The following TBCCD1 variants were observed in gnomAD, a reference collection of about 807,000 sequenced individuals.
TBCCD1 encodes TBCC domain containing 1.
A neutral mutation model predicts 53.4 loss-of-function variants in TBCCD1; 26 were observed. The observed-to-expected ratio is 0.49, with a 90% CI of 0.36 to 0.68. TBCCD1 has a LOEUF of 0.68. Among genes scored for constraint, TBCCD1 ranks in the 30% least tolerant of loss-of-function variants. The pLI is 0.00. For missense variants in TBCCD1, 558 were observed against 669.5 expected (o/e 0.83, Z 1.84); for synonymous variants, 245 against 241.7 (o/e 1.01, Z -0.13).
At chr3:186,561,793 A>G (rs1714697432) in intron 2 of TBCCD1, among the ~76,000 whole-genome samples, 1 of 152,138 alleles carries the variant, frequency 6.6e-6, no homozygotes, top group Non-Finnish European at 1.5e-5. Context: ...CGTCTCAAAA[A>G]AAAAATAAAT....
rs576152217 is a variant in TBCCD1 at position 186,556,319 on chromosome 3, G to A, written c.859+90C>T. Reference sequence around the variant, plus strand: ...GGAGCAGTATTTTTTAGGTCTTCTAGAGAAGACACGAGATCACTAATATAT... The same window carrying A: ...GGAGCAGTATTTTTTAGGTCTTCTAAAGAAGACACGAGATCACTAATATAT... On this transcript the variant is annotated intron_variant, in intron 4 of 7. Coordinates refer to ENST00000338733, the MANE Select transcript of TBCCD1 (RefSeq NM_018138.5). The A allele has an allele frequency of 9.0e-6, 13 of 1,438,314 alleles. No homozygotes were observed. In the East Asian group the frequency reaches 3.0e-4, roughly 34 times the overall value. The allele number at this position is 1,438,314 out of a possible 1,614,324, so 89.1% of individuals were successfully genotyped here. A position where few individuals can be genotyped will look rare whatever the true frequency, so the allele number is the denominator to read the frequency against.
intron 2 of TBCCD1, among the ~76,000 whole-genome samples, chr3:186,560,721 CT>C (rs1372673486): frequency 6.6e-6 from 1 of 152,220 alleles, no homozygotes; most frequent in Admixed American, 6.5e-5. Flanking sequence ...ACCTTCCCAT[CT>C]TCATGGGAAT....
chr3:186,564,501 G>T, intron 1 of TBCCD1, 129 bp from the exon 2 acceptor site: 1 of 586,894 alleles, frequency 1.7e-6, no homozygotes, highest in Non-Finnish European at 2.8e-6. Flanking sequence ...GGCAGCTCTA[G>T]TTCACCAACC....
Position 186,564,130 on chromosome 3 carries a change from A to G in TBCCD1, c.200T>C (p.Leu67Ser). 1 of 1,614,198 alleles carries G rather than the reference A, an allele frequency of 6.2e-7. No homozygotes were observed. The highest frequency in any genetic ancestry group is 8.5e-7 in the Non-Finnish European group (1 of 1,180,044). ...WRHIACGKLQ[L>S]AKDLAWLYFE... ...GTAAAGCCACGCCAGGTCCTTGGCCAACTGCAGCTTCCCACAAGCGATGTG... is the reference window on the plus strand; with the variant it reads ...GTAAAGCCACGCCAGGTCCTTGGCCGACTGCAGCTTCCCACAAGCGATGTG... Residue 67 changes from leucine (L) to serine (S), a missense_variant, in exon 2 of 8, where the codon TTG becomes TCG. By Grantham distance (145) the Leu-to-Ser change is moderately radical. Coordinates refer to ENST00000338733, the MANE Select transcript of TBCCD1 (RefSeq NM_018138.5).
At chr3:186,553,855 T>C (rs1159918232) in intron 6 of TBCCD1, among the ~76,000 whole-genome samples, 2 of 152,224 alleles carry the variant, frequency 1.3e-5, no homozygotes, top group Non-Finnish European at 2.9e-5. Context: ...ACATTACTTT[T>C]TTTTTTTTTG....
chr3:186,559,631 A>G (rs1464584273), intron 2 of TBCCD1, among the ~76,000 whole-genome samples: 1 of 152,238 alleles, frequency 6.6e-6, no homozygotes, highest in Non-Finnish European at 1.5e-5. Flanking sequence ...GAAACTTAAA[A>G]GTACAGATTC....
chr3:186,559,499 G>A (rs936302382), intron 2 of TBCCD1, among the ~76,000 whole-genome samples: 2 of 152,102 alleles, frequency 1.3e-5, no homozygotes, highest in Non-Finnish European at 2.9e-5. Flanking sequence ...ACGACTTGAA[G>A]CCCCTGATTA....
At chr3:186,551,006 G>C (rs576604987) in intron 7 of TBCCD1, 123 bp downstream of exon 7, 5 of 915,482 alleles carry the variant, frequency 5.5e-6, no homozygotes, top group Non-Finnish European at 7.8e-6. Flanking sequence ...ATAAAGGTCC[G>C]TGTATGCTGG....
At chr3:186,563,116 A>C (rs1045036943) in intron 2 of TBCCD1, among the ~76,000 whole-genome samples, 1 of 152,228 alleles carries the variant, frequency 6.6e-6, no homozygotes, top group African/African-American at 2.4e-5. Context: ...AAGTGATAGA[A>C]GCATGGATCC....
At chr3:186,559,025 G>A (rs559665434) in intron 2 of TBCCD1, among the ~76,000 whole-genome samples, 9 of 152,292 alleles carry the variant, frequency 5.9e-5, no homozygotes, top group East Asian at 3.9e-4. Context: ...GATTACAGGC[G>A]TGAACCCCTG....
At chr3:186,563,925 AT>A (rs1560229732) in intron 2 of TBCCD1, 68 bp downstream of exon 2, 1 of 1,477,894 alleles carries the variant, frequency 6.8e-7, no homozygotes, top group Non-Finnish European at 9.0e-7. Flanking sequence ...AAGCAAAAAC[AT>A]TTTTTAATTT....
rs182561413 is a variant in TBCCD1, at chr3:186,553,286, G to A, written c.1544+968C>T. ...CATCGTTTCTTGGCCTTTTGGCTGAGATCAAGTGTAGAGAATCTAACCATT... is the reference window on the plus strand; with the variant it reads ...CATCGTTTCTTGGCCTTTTGGCTGAAATCAAGTGTAGAGAATCTAACCATT... On this transcript the variant is annotated intron_variant, in intron 6 of 7. Coordinates refer to ENST00000338733, the MANE Select transcript of TBCCD1 (RefSeq NM_018138.5). 3 of 152,284 alleles carry A rather than the reference G, an allele frequency of 2.0e-5. No individual in the cohort carries two copies. In the East Asian group the frequency reaches 5.8e-4, roughly 29 times the overall value. The allele number at this position is 152,284 out of a possible 1,614,324, so 9.4% of individuals were successfully genotyped here. A position where few individuals can be genotyped will look rare whatever the true frequency, so the allele number is the denominator to read the frequency against.
chr3:186,549,306 T>A (rs1530640), intron 7 of TBCCD1, among the ~76,000 whole-genome samples: 113,868 of 149,488 alleles, frequency 0.76, 43,500 homozygotes, highest in East Asian at 0.88. Flanking sequence ...ATAAATAAAT[T>A]AATTAATTAA....
In TBCCD1 at chr3:186,546,466, A is replaced by G. The variant is rs887245453; in HGVS notation, c.*511T>C. On this transcript the variant is annotated 3_prime_UTR_variant, in exon 8 of 8. Coordinates refer to ENST00000338733, the MANE Select transcript of TBCCD1 (RefSeq NM_018138.5). The stretch of plus-strand genomic sequence containing the variant: ...TCTATAAGCAATATGTTTATATGAA[A>G]GTCAGAAGTTTAGCGAAAATTCGGC... The G allele has an allele frequency of 6.6e-6, 1 of 152,216 alleles. No individual in the cohort carries two copies. Among genetic ancestry groups the G allele is most frequent in the African/African-American group, 2.4e-5 (1 of 41,458 alleles). The allele number at this position is 152,216 out of a possible 1,614,324, so 9.4% of individuals were successfully genotyped here. A position where few individuals can be genotyped will look rare whatever the true frequency, so the allele number is the denominator to read the frequency against.
In TBCCD1 at chr3:186,567,314, G is replaced by T. The variant is rs181998850; in HGVS notation, c.-91C>A. 0.023 allele frequency: 3,449 copies of T among 152,810 alleles called. 79 individuals carry two copies. Among genetic ancestry groups the T allele is most frequent in the Non-Finnish European group, 0.036 (2,442 of 68,498 alleles). 9.5% of individuals were successfully genotyped at this position (152,810 alleles called of 1,614,324 possible). On this transcript the variant is annotated 5_prime_UTR_variant, in exon 1 of 8. Transcript: ENST00000338733. Reference sequence around the variant, plus strand: ...GCCGCACTTCTCCGCGCGCCGCCGCGCCCGGCGTCCGCTCGCTGGGCCCGC... The same window carrying T: ...GCCGCACTTCTCCGCGCGCCGCCGCTCCCGGCGTCCGCTCGCTGGGCCCGC...
At chr3:186,564,977 A>AT (rs1029565679) in intron 1 of TBCCD1, among the ~76,000 whole-genome samples, 19 of 151,576 alleles carry the variant, frequency 1.3e-4, no homozygotes, top group South Asian at 8.3e-4. Context: ...GATTTTTTAG[A>AT]TTTTTTTTTG....
In TBCCD1 at chr3:186,564,337, C is replaced by CT; in HGVS notation, c.-9dup. ...AACTCTGGACTGATCCATATTATCT[C>CT]TAAGGACATCAGGGTGAAAAGGCTT... On this transcript the variant is annotated 5_prime_UTR_variant, in exon 2 of 8. Coordinates refer to ENST00000338733, the MANE Select transcript of TBCCD1 (RefSeq NM_018138.5). The CT allele has an allele frequency of 9.5e-6, 15 of 1,587,234 alleles. No individual in the cohort carries two copies. The highest frequency in any genetic ancestry group is 1.3e-5 in the Non-Finnish European group (15 of 1,165,224).
At chr3:186,561,754 G>A (rs1287091898) in intron 2 of TBCCD1, among the ~76,000 whole-genome samples, 16 of 152,030 alleles carry the variant, frequency 1.1e-4, no homozygotes, top group South Asian at 6.2e-4. Context: ...GCGCCACCGC[G>A]CTCCAGCCTG....
chr3:186,551,131 G>GTGTC lies in TBCCD1; in HGVS notation c.*15_*18dup, dbSNP rs751102843. ...TTTTAAGTGGTATAAATGCCTACCA[G>GTGTC]TGTCTGCATGTAAGATCCTTATCCA... On this transcript the variant is annotated 3_prime_UTR_variant, in exon 7 of 8. Transcript: ENST00000338733. 4.4e-6 allele frequency: 7 copies of GTGTC among 1,604,650 alleles called. No individual in the cohort carries two copies. In the African/African-American group the frequency reaches 9.4e-5, roughly 22 times the overall value.
Sources: gnomAD v4.1 joint callset for allele counts (sites outside exome capture counted in the v4.1 genomes callset) on GRCh38, gnomAD v4.1.1 for gene constraint, MANE v1.5 for transcripts, NCBI Gene and HGNC (gene_info 2026-07-23, HGNC 2026-07-21) for gene names.